PCDHGA1: variants seen among roughly 807,000 people sequenced by gnomAD.
PCDHGA1 encodes the protein protocadherin gamma-A1.
A neutral mutation model predicts 58.0 loss-of-function variants in PCDHGA1; 32 were observed. The observed-to-expected ratio is 0.55, with a 90% CI of 0.42 to 0.74. The LOEUF (loss-of-function observed/expected upper bound fraction) is 0.74, where lower values mean the gene tolerates loss of function less well. PCDHGA1 is among the 30% of genes least tolerant of loss of function. The pLI, the probability that PCDHGA1 is intolerant of heterozygous loss-of-function variation, is 0.00. For missense variants in PCDHGA1, 1,205 were observed against 1,182.3 expected (o/e 1.02, Z -0.28); for synonymous variants, 498 against 501.1 (o/e 0.99, Z 0.08).
intron 1 of PCDHGA1, chr5:141,356,720 T>A (rs200566433): frequency 2.0e-5 from 32 of 1,613,888 alleles, no homozygotes; most frequent in Non-Finnish European, 3.4e-6. Context: ...TATGTCTCCA[T>A]CAACTCCAAT....
At chr5:141,341,760 A>G (rs1050954926) in intron 1 of PCDHGA1, 13 of 390,314 alleles carry the variant, frequency 3.3e-5, no homozygotes, top group African/African-American at 6.1e-5. Context: ...ATTGGAGTTT[A>G]TGTTTACTCA....
At chr5:141,423,557 G>C in intron 1 of PCDHGA1, 2 of 1,613,654 alleles carry the variant, frequency 1.2e-6, no homozygotes, top group Non-Finnish European at 1.7e-6. Context: ...CCCAACTATG[G>C]GGACACGCTC....
intron 1 of PCDHGA1, among the ~76,000 whole-genome samples, chr5:141,373,098 C>A (rs1402463048): frequency 6.6e-6 from 1 of 152,208 alleles, no homozygotes; most frequent in African/African-American, 2.4e-5. Flanking sequence ...CTGTCATTTT[C>A]AGACATATCT....
At chr5:141,342,525 TC>T (rs1757173515) in intron 1 of PCDHGA1, 1 of 152,238 alleles carries the variant, frequency 6.6e-6, no homozygotes, top group African/African-American at 2.4e-5. Context: ...TGTGATTCTT[TC>T]CGTTGCATTT....
chr5:141,351,047 G>T (rs1183474541), intron 1 of PCDHGA1: 2 of 1,614,054 alleles, frequency 1.2e-6, no homozygotes, highest in Admixed American at 3.3e-5. Flanking sequence ...GCGGGTGATG[G>T]CCACAGACCA....
At chr5:141,372,265 G>T (rs1317887998) in intron 1 of PCDHGA1, 2 of 1,613,014 alleles carry the variant, frequency 1.2e-6, no homozygotes, top group Non-Finnish European at 1.7e-6. Flanking sequence ...CTGCGCACGG[G>T]TGAGGTGCGC....
chr5:141,387,777 C>G, intron 1 of PCDHGA1: 1 of 1,453,750 alleles, frequency 6.9e-7, no homozygotes, highest in Non-Finnish European at 9.2e-7. Context: ...TTTTCTTGAA[C>G]TGGAACTGCA....
At chr5:141,405,457 T>TC in intron 1 of PCDHGA1, 3 of 1,256,668 alleles carry the variant, frequency 2.4e-6, no homozygotes, top group South Asian at 1.4e-5. Context: ...TCTTACTCTG[T>TC]TACCCAGGCT....
chr5:141,431,984 G>A lies in PCDHGA1; in HGVS notation c.2422-62823G>A, dbSNP rs758365921. 2 of 1,614,220 alleles carry A rather than the reference G, an allele frequency of 1.2e-6. No individual in the cohort carries two copies. The highest frequency in any genetic ancestry group is 2.2e-5 in the South Asian group (2 of 91,086). On this transcript the variant is annotated intron_variant, in intron 1 of 3. Transcript: ENST00000517417. The surrounding 1 kb of genome is among the most constrained non-coding windows in gnomAD (Gnocchi z 4.8). ...TTACTATAGTTTAGTCACAGACATAGTCTTGGATAGGGAACAGGTTCCTAG... is the reference window on the plus strand; with the variant it reads ...TTACTATAGTTTAGTCACAGACATAATCTTGGATAGGGAACAGGTTCCTAG...
At position 141,490,289 on chromosome 5, in the gene PCDHGA1, T is replaced by C; in HGVS notation, c.2422-4518T>C. ...GATGTCAATGACAATGCCCCAGAGG[T>C]GCTATTGGCCTCTTTGGCCAACCCT... On this transcript the variant is annotated intron_variant, in intron 1 of 3. Transcript: ENST00000517417. This position sits in a 1 kb window ranked among gnomAD's most constrained non-coding sequence, Gnocchi z 5.4. The C allele has an allele frequency of 1.2e-6, 2 of 1,614,096 alleles. No homozygotes were observed. The highest frequency in any genetic ancestry group is 1.7e-6 in the Non-Finnish European group (2 of 1,180,016).
intron 2 of PCDHGA1, among the ~76,000 whole-genome samples, chr5:141,500,310 G>A (rs1327269551): frequency 6.6e-6 from 1 of 151,740 alleles, no homozygotes; most frequent in Non-Finnish European, 1.5e-5. Flanking sequence ...CCAGGTTCAC[G>A]CCATGCTCCT....
intron 1 of PCDHGA1, chr5:141,357,176 C>T (rs773715836): frequency 6.2e-7 from 1 of 1,613,788 alleles, no homozygotes; most frequent in Admixed American, 1.7e-5. Context: ...GCCACCGTCA[C>T]ACTCACTGTG....
Position 141,476,176 on chromosome 5 carries a change from G to C in PCDHGA1, c.2422-18631G>C, listed in dbSNP as rs778169270. 1 of 1,613,530 alleles carries C rather than the reference G, an allele frequency of 6.2e-7. No homozygotes were observed. The highest frequency in any genetic ancestry group is 8.5e-7 in the Non-Finnish European group (1 of 1,180,006). On this transcript the variant is annotated intron_variant, in intron 1 of 3. Transcript: ENST00000517417. The surrounding 1 kb of genome is among the most constrained non-coding windows in gnomAD (Gnocchi z 7.6). ...GCACCGGGAGGGTAGTGGGAGTTTT[G>C]CTTCTGCTTGGTGCCTTGAACAAGG...
intron 1 of PCDHGA1, chr5:141,392,836 C>T: frequency 6.2e-7 from 1 of 1,608,040 alleles, no homozygotes; most frequent in Non-Finnish European, 8.5e-7. Context: ...CAGAGTCGCC[C>T]CAGACGCGGC....
intron 1 of PCDHGA1, chr5:141,360,807 C>A: frequency 1.2e-6 from 2 of 1,613,914 alleles, no homozygotes; most frequent in Non-Finnish European, 8.5e-7. Flanking sequence ...CTCAAAGTGG[C>A]ACGACCCAAA....
intron 1 of PCDHGA1, chr5:141,423,165 C>G: frequency 6.2e-7 from 1 of 1,613,434 alleles, no homozygotes; most frequent in Non-Finnish European, 8.5e-7. Context: ...TCGTGGTGGC[C>G]GTCCAGGACC....
intron 1 of PCDHGA1, among the ~76,000 whole-genome samples, chr5:141,447,975 A>G (rs1352829510): frequency 6.6e-6 from 1 of 151,928 alleles, no homozygotes; most frequent in Non-Finnish European, 1.5e-5. Flanking sequence ...AATCCCAGCT[A>G]CTCGGGAGGC....
At chr5:141,494,583 G>A (rs2099755431) in intron 1 of PCDHGA1, among the ~76,000 whole-genome samples, 1 of 152,152 alleles carries the variant, frequency 6.6e-6, no homozygotes, top group Non-Finnish European at 1.5e-5. Flanking sequence ...CTTGCTCACT[G>A]TGGTCAGATG....
intron 1 of PCDHGA1, chr5:141,414,273 G>A: frequency 6.2e-7 from 1 of 1,613,418 alleles, no homozygotes; most frequent in Non-Finnish European, 8.5e-7. Flanking sequence ...ATTCACCTCT[G>A]GGAACAGTCG....
Sources: allele counts gnomAD v4.1 joint callset (sites outside exome capture counted in the v4.1 genomes callset), GRCh38; gene constraint gnomAD v4.1.1; non-coding constraint Gnocchi (gnomAD v3.1); transcripts MANE v1.5; gene names NCBI Gene and HGNC (gene_info 2026-07-23, HGNC 2026-07-21).